The following GRM1 variants were observed in gnomAD, a reference collection of about 807,000 sequenced individuals.
GRM1 encodes the protein glutamate metabotropic receptor 1.
GRM1 carries 33 observed loss-of-function variants against 90.9 expected under a neutral mutation model. The ratio of observed to expected loss-of-function variants is 0.36; its 90% CI spans 0.28 to 0.49. The LOEUF is 0.49. GRM1 is among the 20% of genes least tolerant of loss of function. The pLI is 0.99. For missense variants in GRM1, 1,190 were observed against 1,534.3 expected (o/e 0.78, Z 3.75); for synonymous variants, 700 against 613.2 (o/e 1.14, Z -2.09).
At chr6:146,071,660 GT>G (rs1776020879) in intron 1 of GRM1, among the ~76,000 whole-genome samples, 1 of 146,964 alleles carries the variant, frequency 6.8e-6, no homozygotes, top group African/African-American at 2.5e-5. Context: ...TAATAGGAAT[GT>G]TTTTGAGATC....
At chr6:146,061,089 G>C (rs746649710) in intron 1 of GRM1, among the ~76,000 whole-genome samples, 12 of 152,026 alleles carry the variant, frequency 7.9e-5, no homozygotes, top group Non-Finnish European at 1.6e-4. Flanking sequence ...GGGGAATGCC[G>C]AGGCAGTAGA....
chr6:146,207,937 A>T (rs948124547), intron 2 of GRM1, among the ~76,000 whole-genome samples: 2 of 152,128 alleles, frequency 1.3e-5, no homozygotes, highest in African/African-American at 2.4e-5. Context: ...ACATGAATTT[A>T]TAGGCATTTT....
chr6:146,414,402 T>C (rs1317350578), intron 7 of GRM1, among the ~76,000 whole-genome samples: 1 of 150,102 alleles, frequency 6.7e-6, no homozygotes. Flanking sequence ...ATTATTATTA[T>C]TATTTTTGTT....
chr6:146,389,290 G>C (rs362850), intron 6 of GRM1, among the ~76,000 whole-genome samples: 102,707 of 151,860 alleles, frequency 0.68, 36,437 homozygotes, highest in African/African-American at 0.92. Flanking sequence ...GAGGTACAAA[G>C]ATTTTTCTCT....
intron 1 of GRM1, among the ~76,000 whole-genome samples, chr6:146,049,775 T>C (rs1562429097): frequency 6.6e-6 from 1 of 151,836 alleles, no homozygotes; most frequent in Non-Finnish European, 1.5e-5. Flanking sequence ...ATAACAACGA[T>C]GGCAGTACCA....
At chr6:146,211,274 A>C (rs532434484) in intron 2 of GRM1, among the ~76,000 whole-genome samples, 33 of 152,008 alleles carry the variant, frequency 2.2e-4, no homozygotes, top group African/African-American at 5.1e-4. Flanking sequence ...CAGTTCTGAC[A>C]CTTGATCATT....
intron 2 of GRM1, among the ~76,000 whole-genome samples, chr6:146,184,373 ATTGTTCTATT>A (rs1778648981): frequency 6.6e-6 from 1 of 151,940 alleles, no homozygotes; most frequent in Admixed American, 6.6e-5. Context: ...GAGACAATCC[ATTGTTCTATT>A]GTTTACAATA....
chr6:146,123,366 G>T (rs1196445251), intron 1 of GRM1, among the ~76,000 whole-genome samples: 1 of 152,202 alleles, frequency 6.6e-6, no homozygotes, highest in East Asian at 1.9e-4. Flanking sequence ...TTTGTAGGCA[G>T]AGAGAGTGCA....
At chr6:146,297,907 C>T (rs1004604231) in intron 2 of GRM1, among the ~76,000 whole-genome samples, 3 of 152,124 alleles carry the variant, frequency 2.0e-5, no homozygotes, top group African/African-American at 7.2e-5. Context: ...TTCCCTTTCA[C>T]TCTGTGTTCT....
intron 1 of GRM1, among the ~76,000 whole-genome samples, chr6:146,092,361 A>T (rs751566018): frequency 5.3e-5 from 8 of 152,136 alleles, no homozygotes; most frequent in Non-Finnish European, 1.2e-4. Flanking sequence ...GAATACAAAC[A>T]TACAGTCCGT....
At chr6:146,180,010 A>T (rs978897254) in intron 2 of GRM1, among the ~76,000 whole-genome samples, 1 of 152,060 alleles carries the variant, frequency 6.6e-6, no homozygotes, top group Non-Finnish European at 1.5e-5. Context: ...TAACTGGAGT[A>T]TGGTGGTGTG....
chr6:146,053,851 G>A (rs1298038154), intron 1 of GRM1, among the ~76,000 whole-genome samples: 3 of 152,008 alleles, frequency 2.0e-5, no homozygotes, highest in African/African-American at 7.2e-5. Flanking sequence ...ATATGAATGT[G>A]CCTCAGTTTT....
chr6:146,393,943 G>C (rs1010169523), intron 6 of GRM1, among the ~76,000 whole-genome samples: 1 of 151,946 alleles, frequency 6.6e-6, no homozygotes, highest in Non-Finnish European at 1.5e-5. Flanking sequence ...CACAACAGAG[G>C]CCTCAGAAGT....
chr6:146,151,406 A>C (rs1477191202), intron 1 of GRM1, among the ~76,000 whole-genome samples: 1 of 152,244 alleles, frequency 6.6e-6, no homozygotes, highest in African/African-American at 2.4e-5. Context: ...GATTTGAACT[A>C]AGTGCTACAT....
intron 1 of GRM1, among the ~76,000 whole-genome samples, chr6:146,142,850 A>C (rs1163072875): frequency 6.6e-6 from 1 of 152,152 alleles, no homozygotes; most frequent in African/African-American, 2.4e-5. Flanking sequence ...CAAGGCCTGG[A>C]ATCGGTAACC....
chr6:146,220,225 GTAGT>G (rs1321947185), intron 2 of GRM1, among the ~76,000 whole-genome samples: 1 of 152,034 alleles, frequency 6.6e-6, no homozygotes, highest in African/African-American at 2.4e-5. Context: ...GTAAATATAG[GTAGT>G]TACTTAATTA....
chr6:146,223,218 G>A (rs1409528581), intron 2 of GRM1, among the ~76,000 whole-genome samples: 1 of 152,068 alleles, frequency 6.6e-6, no homozygotes, highest in Non-Finnish European at 1.5e-5. Flanking sequence ...CTCTTTTTAA[G>A]TAATGAGCTT....
At chr6:146,347,017 T>C (rs1785211458) in intron 3 of GRM1, among the ~76,000 whole-genome samples, 1 of 152,188 alleles carries the variant, frequency 6.6e-6, no homozygotes, top group Non-Finnish European at 1.5e-5. Flanking sequence ...AGAATTTAGA[T>C]TTGAAAAGGT....
chr6:146,321,695 T>C (rs1784195763), intron 3 of GRM1, among the ~76,000 whole-genome samples: 1 of 152,196 alleles, frequency 6.6e-6, no homozygotes, highest in Non-Finnish European at 1.5e-5. Flanking sequence ...TCTTGTTGCA[T>C]TGATCCCTTT....
Sources: allele counts gnomAD v4.1 joint callset (sites outside exome capture counted in the v4.1 genomes callset), GRCh38; gene constraint gnomAD v4.1.1; transcripts MANE v1.5; gene names NCBI Gene and HGNC (gene_info 2026-07-23, HGNC 2026-07-21).